The following CIZ1 variants were observed in gnomAD, a reference collection of about 807,000 sequenced individuals.
The protein encoded by CIZ1 is CDKN1A interacting zinc finger protein 1.
CIZ1 carries 58 observed loss-of-function variants against 118.6 expected under a neutral mutation model. The observed-to-expected ratio is 0.49, with a 90% CI of 0.40 to 0.61. The LOEUF (loss-of-function observed/expected upper bound fraction) is 0.61. CIZ1 is among the 20% of genes least tolerant of loss of function. The pLI, the probability that CIZ1 is intolerant of heterozygous loss-of-function variation, is 0.00. For missense variants in CIZ1, 921 were observed against 1,115.9 expected, an observed-to-expected ratio of 0.83 and a Z score of 2.49; for synonymous variants, 448 against 443.4, an observed-to-expected ratio of 1.01 and a Z score of -0.13.
At chr9:128,177,528 G>GCCCCCCCCCCC in intron 10 of CIZ1, 38 bp downstream of exon 10, 3 of 1,164,636 alleles carry the variant, frequency 2.6e-6, no homozygotes, top group East Asian at 2.9e-5. Flanking sequence ...TTCCACGCAG[G>GCCCCCCCCCCC]CCCCACCCCT....
chr9:128,191,976 A>G, upstream of CIZ1: 1 of 1,331,156 alleles, frequency 7.5e-7, no homozygotes, highest in South Asian at 1.6e-5. The surrounding 1 kb of genome is among the most constrained non-coding windows in gnomAD (Gnocchi z 5.5). Context: ...GAGGGCGGCC[A>G]AGGTCTTACA....
At chr9:128,176,239 G>A in intron 11 of CIZ1, 112 bp downstream of exon 11, 1 of 1,363,142 alleles carries the variant, frequency 7.3e-7, no homozygotes, top group Non-Finnish European at 1.0e-6. Flanking sequence ...AGGAGGCCTG[G>A]CTGGGGGTGC....
chr9:128,174,805 T>C (rs1236873752), intron 11 of CIZ1, among the ~76,000 whole-genome samples: 1 of 152,110 alleles, frequency 6.6e-6, no homozygotes, highest in African/African-American at 2.4e-5. Context: ...ATCACAGGCA[T>C]GCACCACCAT....
chr9:128,198,616 G>A (rs1033379087), intron 1 of CIZ1, among the ~76,000 whole-genome samples: 4 of 150,428 alleles, frequency 2.7e-5, no homozygotes, highest in African/African-American at 9.8e-5. Context: ...GGCAGATCAC[G>A]AGGTCAGGAG....
intron 1 of CIZ1, chr9:128,198,438 ATGACT>A (rs1833429944): frequency 6.6e-6 from 1 of 152,188 alleles, no homozygotes; most frequent in South Asian, 2.1e-4. Flanking sequence ...ACTAAATATA[ATGACT>A]TGACCCCGGA....
At chr9:128,185,898 A>G in intron 4 of CIZ1, 122 bp from the exon 5 acceptor site, 1 of 732,890 alleles carries the variant, frequency 1.4e-6, no homozygotes, top group Non-Finnish European at 2.4e-6. Flanking sequence ...GGACCTTCCC[A>G]CCCAAGGGCA....
At chr9:128,196,116 C>G (rs1285505272), upstream of CIZ1, among the ~76,000 whole-genome samples, 1 of 152,160 alleles carries the variant, frequency 6.6e-6, no homozygotes, top group East Asian at 1.9e-4. Flanking sequence ...ATCCACCCAC[C>G]TTGGCCTCCT....
In CIZ1 at chr9:128,166,443, T is replaced by G. The variant is rs188910316; in HGVS notation, c.2488-37A>C. On this transcript the variant is annotated intron_variant, in intron 16 of 16. Coordinates refer to ENST00000372938, the MANE Select transcript of CIZ1 (RefSeq NM_001131016.2). The surrounding 1 kb of genome is among the most constrained non-coding windows in gnomAD (Gnocchi z 4.4). ...AGGTGCAGGTAAGGTCAGGGTCTCC[T>G]CCCTACATGGTATGCTCCTGGCCAG... The G allele has an allele frequency of 2.2e-3, 3,136 of 1,444,466 alleles. 2 individuals are homozygous for G. The highest frequency in any genetic ancestry group is 2.7e-3 in the Non-Finnish European group (2,941 of 1,069,970). The allele number at this position is 1,444,466 out of a possible 1,614,324, so 89.5% of individuals were successfully genotyped here. A position where few individuals can be genotyped will look rare whatever the true frequency, so the allele number is the denominator to read the frequency against.
intron 8 of CIZ1, 88 bp from the exon 9 acceptor site, chr9:128,178,578 G>C (rs760348964): frequency 6.2e-6 from 10 of 1,601,656 alleles, no homozygotes; most frequent in Non-Finnish European, 8.5e-6. Context: ...GAGGCCCCCA[G>C]CATGGATGGC....
chr9:128,177,416 T>A, intron 10 of CIZ1, 150 bp downstream of exon 10: 2 of 578,396 alleles, frequency 3.5e-6, no homozygotes, highest in Non-Finnish European at 5.7e-6. Flanking sequence ...CACCAAAACC[T>A]GCCTTCTTGG....
chr9:128,181,620 T>C (rs770452278), intron 5 of CIZ1, among the ~76,000 whole-genome samples: 13 of 152,258 alleles, frequency 8.5e-5, no homozygotes, highest in Non-Finnish European at 1.2e-4. Flanking sequence ...CCTTCTGTTA[T>C]GCCTGGGCAG....
intron 11 of CIZ1, among the ~76,000 whole-genome samples, chr9:128,173,498 G>T (rs2130926074): frequency 6.6e-6 from 1 of 150,808 alleles, no homozygotes; most frequent in African/African-American, 2.4e-5. Flanking sequence ...GGCTGGTCTT[G>T]AACTCCTAAA....
In CIZ1 at chr9:128,190,762, C is replaced by T. The variant is rs763735508; in HGVS notation, c.96G>A (p.Gln32=). Residue 32 remains glutamine, a synonymous_variant, in exon 2 of 17, where the codon CAG becomes CAA. Coordinates refer to ENST00000372938, the MANE Select transcript of CIZ1 (RefSeq NM_001131016.2). ...QQQLQQQQLQ[Q]QQLLQLQQLL... ...GCTGCTGGAGCTGCAGTAACTGCTGCTGCTGCAATTGCTGCTGCTGGAGCT... is the reference window on the plus strand; with the variant it reads ...GCTGCTGGAGCTGCAGTAACTGCTGTTGCTGCAATTGCTGCTGCTGGAGCT... The T allele has an allele frequency of 1.0e-4, 155 of 1,544,014 alleles. No individual in the cohort carries two copies. Among genetic ancestry groups the T allele is most frequent in the Non-Finnish European group, 1.3e-4 (151 of 1,144,344 alleles).
intron 11 of CIZ1, among the ~76,000 whole-genome samples, chr9:128,172,083 G>A (rs1160582856): frequency 7.1e-6 from 1 of 140,198 alleles, no homozygotes; most frequent in Non-Finnish European, 1.5e-5. Context: ...GGAGTTCTGA[G>A]GCTGCATTGA....
In CIZ1 at chr9:128,179,249, C is replaced by T; in HGVS notation, c.958G>A (p.Ala320Thr). Residue 320 changes from alanine to threonine, a missense_variant, in exon 8 of 17, where the codon GCC becomes ACC. Coordinates refer to ENST00000372938, the MANE Select transcript of CIZ1 (RefSeq NM_001131016.2). ...RFQPRVLQVQAQVQSQTQPRI... is the reference protein window; with the variant it reads ...RFQPRVLQVQTQVQSQTQPRI... ...GGCTGAGTCTGTGACTGCACCTGGG[C>T]CTGGACCTGCAGGACCCGTGGCTGG... 1 of 1,614,114 alleles carries T rather than the reference C, an allele frequency of 6.2e-7. No homozygotes were observed. The highest frequency in any genetic ancestry group is 8.5e-7 in the Non-Finnish European group (1 of 1,180,024).
intron 11 of CIZ1, among the ~76,000 whole-genome samples, chr9:128,173,829 A>AC (rs1333021754): frequency 6.6e-6 from 1 of 151,752 alleles, no homozygotes; most frequent in Non-Finnish European, 1.5e-5. Context: ...ACACAGAGAA[A>AC]CCCTGTCTCT....
In CIZ1 at chr9:128,168,922, T is replaced by A. The variant is rs1432001868; in HGVS notation, c.2295+130A>T. 4 of 1,268,894 alleles carry A rather than the reference T, an allele frequency of 3.2e-6. No individual in the cohort carries two copies. In the Admixed American group the frequency reaches 8.1e-5, roughly 26 times the overall value. The allele number at this position is 1,268,894 out of a possible 1,614,324, so 78.6% of individuals were successfully genotyped here. ...TAGTCATGCAGAAGGCAGTTGACAG[T>A]AATCAGTTGTGGCATGCATTAGTGC... On this transcript the variant is annotated intron_variant, in intron 14 of 16. Coordinates refer to ENST00000372938, the MANE Select transcript of CIZ1 (RefSeq NM_001131016.2).
At chr9:128,169,001 T>A in intron 14 of CIZ1, 51 bp downstream of exon 14, 1 of 1,611,594 alleles carries the variant, frequency 6.2e-7, no homozygotes, top group South Asian at 1.1e-5. Flanking sequence ...AGGTCTGTCC[T>A]GGGCTGGGAA....
chr9:128,176,470 G>A lies in CIZ1; in HGVS notation c.1824C>T (p.Phe608=). 6.2e-7 allele frequency: 1 copy of A among 1,613,006 alleles called. No homozygotes were observed. Among genetic ancestry groups the A allele is most frequent in the Non-Finnish European group, 8.5e-7 (1 of 1,179,832 alleles). The change falls in exon 11 of 17, where the codon TTC becomes TTT. Residue 608 remains phenylalanine, a synonymous_variant. Coordinates refer to ENST00000372938, the MANE Select transcript of CIZ1 (RefSeq NM_001131016.2). ...GCTGAGGCTCCGACATGTGGTCCTGGAACTCCTGCAGCAGGAGGGAAAGAG... is the reference window on the plus strand; with the variant it reads ...GCTGAGGCTCCGACATGTGGTCCTGAAACTCCTGCAGCAGGAGGGAAAGAG... ...CKASCSSQQE[F]QDHMSEPQHQ... is the part of the protein sequence containing the mutation.
Sources: gnomAD v4.1 joint callset for allele counts (sites outside exome capture counted in the v4.1 genomes callset) on GRCh38, gnomAD v4.1.1 for gene constraint, Gnocchi (gnomAD v3.1) non-coding constraint, MANE v1.5 for transcripts, NCBI Gene and HGNC (gene_info 2026-07-23, HGNC 2026-07-21) for gene names.